Variants in RBMS1 observed in about 807,000 individuals in gnomAD.
RBMS1 encodes the protein RNA binding motif single stranded interacting protein 1.
Under a neutral mutation model 62.3 loss-of-function variants are expected in RBMS1, and 17 were observed. That is an observed-to-expected ratio of 0.27 (90% CI 0.19 to 0.41). RBMS1 has a LOEUF of 0.41. RBMS1 is among the 10% of genes least tolerant of loss of function. The pLI, the probability that RBMS1 is intolerant of heterozygous loss-of-function variation, is 1.00. For synonymous variants in RBMS1, 172 were observed against 170.0 expected, an observed-to-expected ratio of 1.01 and a Z score of -0.09; for missense variants, 334 against 504.5, an observed-to-expected ratio of 0.66 and a Z score of 3.24.
At position 160,395,993 on chromosome 2, in the gene RBMS1, G is replaced by A. The variant is rs1173826569; in HGVS notation, c.76-28602C>T. Among the ~76,000 whole-genome samples, 11 of 152,316 alleles carry A rather than the reference G, an allele frequency of 7.2e-5. No homozygotes were observed. The East Asian group carries it at 2.1e-3, about 29-fold the overall frequency. On this transcript the variant is annotated intron_variant, in intron 1 of 13. Transcript: ENST00000348849. ...ATCCAGAGTACCTGTGCCAGGTAAT[G>A]TGCCACGTGCTGTCACCCAGATGAT... is the stretch of plus-strand genomic sequence containing the variant.
At chr2:160,371,339 C>T (rs879917610) in intron 1 of RBMS1, among the ~76,000 whole-genome samples, 4 of 152,172 alleles carry the variant, frequency 2.6e-5, no homozygotes, top group South Asian at 2.1e-4. Context: ...TGCCTTGGAA[C>T]GTGAAAAGAC....
At chr2:160,451,607 T>TTAG (rs1366108474) in intron 1 of RBMS1, among the ~76,000 whole-genome samples, 6 of 151,704 alleles carry the variant, frequency 4.0e-5, no homozygotes, top group African/African-American at 1.5e-4. Flanking sequence ...ACTGTTTTTA[T>TTAG]TATTATTATT....
chr2:160,314,172 A>G (rs1029327288), intron 3 of RBMS1, among the ~76,000 whole-genome samples: 14 of 152,218 alleles, frequency 9.2e-5, no homozygotes, highest in Admixed American at 8.5e-4. Context: ...TACACAGCAT[A>G]AGCACTAACA....
At chr2:160,308,170 G>C (rs528099661) in intron 4 of RBMS1, among the ~76,000 whole-genome samples, 2 of 152,256 alleles carry the variant, frequency 1.3e-5, no homozygotes, top group East Asian at 3.9e-4. Context: ...TAGGCAGGTG[G>C]ATTGCTTGAG....
At chr2:160,281,968 C>T in intron 9 of RBMS1, 1 of 195,400 alleles carries the variant, frequency 5.1e-6, no homozygotes, top group South Asian at 9.3e-5. Context: ...TTGACATCTA[C>T]AGTCAAATGG....
Position 160,277,315 on chromosome 2 carries a change from C to T in RBMS1, c.1131G>A (p.Ala377=), listed in dbSNP as rs774245997. ...LPQYAHMQTT[A]VPVEEASGQQ... ...GGTCTCTACCAACCTCAACAGGAAC[C>T]GCTGTCGTCTGCATATGTGCATACT... Residue 377 remains alanine (A), a synonymous_variant, in exon 12 of 14, where the codon GCG becomes GCA. Transcript: ENST00000348849. 21 of 1,611,496 alleles carry T rather than the reference C, an allele frequency of 1.3e-5. No individual in the cohort carries two copies. Among genetic ancestry groups the T allele is most frequent in the Non-Finnish European group, 1.7e-5 (20 of 1,177,892 alleles).
In RBMS1 at chr2:160,342,498, T is replaced by C. The variant is rs527366170; in HGVS notation, c.252-24271A>G. 2.4e-4 allele frequency among the ~76,000 whole-genome samples: 37 copies of C among 152,206 alleles called. 1 individual carries two copies. Among genetic ancestry groups the C allele is most frequent in the South Asian group, 2.1e-3 (10 of 4,830 alleles). ...CATGTCAAAGTCCTTAAGAGGCACA[T>C]ATCAAGTTAGCATTTCAGAAAGGAA... On this transcript the variant is annotated intron_variant, in intron 2 of 13. Coordinates refer to ENST00000348849, the MANE Select transcript of RBMS1 (RefSeq NM_016836.4).
At chr2:160,409,356 A>T in intron 1 of RBMS1, among the ~76,000 whole-genome samples, 1 of 152,112 alleles carries the variant, frequency 6.6e-6, no homozygotes, top group African/African-American at 2.4e-5. Context: ...AACTTGCCAG[A>T]CAAAATTTAC....
intron 2 of RBMS1, among the ~76,000 whole-genome samples, chr2:160,353,005 CT>C (rs927469872): frequency 1.3e-5 from 2 of 152,192 alleles, no homozygotes; most frequent in South Asian, 2.1e-4. Flanking sequence ...ACAAAATGAG[CT>C]TGTTAAAAAT....
rs181449473 is a variant in RBMS1 at position 160,471,586 on chromosome 2, T to C, written c.75+21703A>G. Among the ~76,000 whole-genome samples the C allele has an allele frequency of 2.9e-3, 440 of 150,524 alleles. 5 individuals are homozygous for C. Among genetic ancestry groups the C allele is most frequent in the African/African-American group, 0.01 (424 of 41,110 alleles). On this transcript the variant is annotated intron_variant, in intron 1 of 13. Coordinates refer to ENST00000348849, the MANE Select transcript of RBMS1 (RefSeq NM_016836.4). ...AATGCTGGGTTGTTTAAAGAATATC[T>C]GGAGCAACTGGTTGATCTCTCGCAA...
At chr2:160,462,876 G>A (rs528203012) in intron 1 of RBMS1, among the ~76,000 whole-genome samples, 3 of 152,046 alleles carry the variant, frequency 2.0e-5, no homozygotes, top group Non-Finnish European at 2.9e-5. Context: ...GATTACAGGC[G>A]TGAGCCACAG....
At chr2:160,293,918 T>A (rs1431101700) in intron 6 of RBMS1, among the ~76,000 whole-genome samples, 1 of 152,202 alleles carries the variant, frequency 6.6e-6, no homozygotes, top group Non-Finnish European at 1.5e-5. Context: ...AACTAAAACT[T>A]CCCATCTCTG....
chr2:160,292,290 T>C lies in RBMS1; in HGVS notation c.641-5206A>G, dbSNP rs1349499504. Among the ~76,000 whole-genome samples the C allele has an allele frequency of 2.0e-5, 3 of 152,250 alleles. No individual in the cohort carries two copies. In the East Asian group the frequency reaches 5.8e-4, roughly 29 times the overall value. On this transcript the variant is annotated intron_variant, in intron 6 of 13. Coordinates refer to ENST00000348849, the MANE Select transcript of RBMS1 (RefSeq NM_016836.4). The stretch of plus-strand genomic sequence containing the variant: ...CTCATAATCTCTGAAATGGGGATGA[T>C]AATAGTGCCTACTTCAAAAGATTGT...
At chr2:160,331,822 G>A (rs1691291890) in intron 2 of RBMS1, among the ~76,000 whole-genome samples, 1 of 152,194 alleles carries the variant, frequency 6.6e-6, no homozygotes, top group African/African-American at 2.4e-5. Flanking sequence ...AAGAACTGGA[G>A]TCGAGTGTTT....
intron 4 of RBMS1, among the ~76,000 whole-genome samples, chr2:160,312,274 GAGA>G (rs1208385394): frequency 6.6e-6 from 1 of 152,098 alleles, no homozygotes; most frequent in African/African-American, 2.4e-5. Flanking sequence ...CTAATGCAAA[GAGA>G]AGGACACAAT....
At chr2:160,395,944 G>A (rs1447133883) in intron 1 of RBMS1, among the ~76,000 whole-genome samples, 1 of 152,090 alleles carries the variant, frequency 6.6e-6, no homozygotes. Context: ...CCTGTTAGGA[G>A]ACACCCCAAG....
Position 160,493,331 on chromosome 2 carries a change from A to C in RBMS1, c.33T>G (p.Pro11=), listed in dbSNP as rs754608521. Residue 11 remains proline, a synonymous_variant, in exon 1 of 14, where the codon CCT becomes CCG. Coordinates refer to ENST00000348849, the MANE Select transcript of RBMS1 (RefSeq NM_016836.4). The part of the protein sequence containing the change: MGKVWKQQMY[P]QYATYYYPQY... The stretch of plus-strand genomic sequence containing the variant: ...GGGGGTAATAGTAGGTGGCGTACTG[A>C]GGGTACATCTGCTGTTTCCACACTT... 87 of 1,613,314 alleles carry C rather than the reference A, an allele frequency of 5.4e-5. No homozygotes were observed. The East Asian group carries it at 1.9e-3, about 36-fold the overall frequency.
intron 1 of RBMS1, among the ~76,000 whole-genome samples, chr2:160,457,395 G>A (rs1276927889): frequency 2.6e-5 from 4 of 152,180 alleles, no homozygotes; most frequent in African/African-American, 9.7e-5. Context: ...CTCCCAAAGT[G>A]CTGGGATTAC....
chr2:160,393,708 C>T (rs913598712), intron 1 of RBMS1, among the ~76,000 whole-genome samples: 6 of 149,160 alleles, frequency 4.0e-5, no homozygotes, highest in Non-Finnish European at 5.9e-5. Flanking sequence ...ATCTGGGAGG[C>T]GGAGGCTGTG....
Sources: gnomAD v4.1 joint callset for allele counts (sites outside exome capture counted in the v4.1 genomes callset) on GRCh38, gnomAD v4.1.1 for gene constraint, MANE v1.5 for transcripts, NCBI Gene and HGNC (gene_info 2026-07-23, HGNC 2026-07-21) for gene names.